METTL24: variants seen among roughly 807,000 people sequenced by gnomAD.
The protein encoded by METTL24 is probable methyltransferase-like protein 24.
A neutral mutation model predicts 32.7 loss-of-function variants in METTL24; 29 were observed. The ratio of observed to expected loss-of-function variants is 0.89; its 90% CI spans 0.66 to 1.21. The LOEUF (loss-of-function observed/expected upper bound fraction) is 1.21, where lower values mean the gene tolerates loss of function less well. Among genes scored for constraint, METTL24 ranks in the 50% most tolerant of loss-of-function variants. The pLI is 0.00. For missense variants in METTL24, 439 were observed against 468.1 expected, an observed-to-expected ratio of 0.94 and a Z score of 0.57; for synonymous variants, 163 against 179.5, an observed-to-expected ratio of 0.91 and a Z score of 0.73.
rs561768970 is a variant in METTL24, at chr6:110,246,487, T to C, written c.787-227A>G. On this transcript the variant is annotated intron_variant, in intron 4 of 4. Transcript: ENST00000338882. ...TTTAAGAGATGGGGGTCTCGATATG[T>C]TGCCTAGGCTGGTATAAAACTCCTG... 3.9e-5 allele frequency among the ~76,000 whole-genome samples: 6 copies of C among 152,348 alleles called. No homozygotes were observed. In the East Asian group the frequency reaches 1.2e-3, roughly 29 times the overall value.
intron 3 of METTL24, among the ~76,000 whole-genome samples, chr6:110,302,558 T>TATATACAC (rs1334340616): frequency 2.8e-5 from 3 of 108,922 alleles, no homozygotes; most frequent in Admixed American, 8.4e-5. Flanking sequence ...CATATGTGTA[T>TATATACAC]ATATACACAC....
At chr6:110,318,340 T>C (rs1039001312) in intron 2 of METTL24, among the ~76,000 whole-genome samples, 1 of 152,174 alleles carries the variant, frequency 6.6e-6, no homozygotes, top group Non-Finnish European at 1.5e-5. Flanking sequence ...CCCTCTTCCT[T>C]TCTTAGCTCA....
intron 4 of METTL24, among the ~76,000 whole-genome samples, chr6:110,280,816 C>T (rs560430880): frequency 6.6e-6 from 1 of 152,066 alleles, no homozygotes. Context: ...CACACCCAAC[C>T]AATGTTTCAA....
intron 3 of METTL24, among the ~76,000 whole-genome samples, chr6:110,299,413 T>G (rs930923540): frequency 6.8e-6 from 1 of 147,860 alleles, no homozygotes; most frequent in African/African-American, 2.5e-5. Context: ...CATCAAATTG[T>G]TTTTTTTTTA....
intron 3 of METTL24, among the ~76,000 whole-genome samples, chr6:110,307,741 A>C (rs1307610132): frequency 6.6e-6 from 1 of 152,200 alleles, no homozygotes; most frequent in East Asian, 1.9e-4. Flanking sequence ...AGGGAGAATA[A>C]ATATTGAGGG....
At chr6:110,274,784 T>G (rs939002884) in intron 4 of METTL24, among the ~76,000 whole-genome samples, 3 of 150,880 alleles carry the variant, frequency 2.0e-5, no homozygotes, top group Admixed American at 1.3e-4. Context: ...TTTTTTTTTT[T>G]TTTCCTTTTC....
At chr6:110,276,439 A>G (rs1771048800) in intron 4 of METTL24, among the ~76,000 whole-genome samples, 1 of 152,316 alleles carries the variant, frequency 6.6e-6, no homozygotes, top group East Asian at 1.9e-4. Flanking sequence ...TGAAAGAGTG[A>G]GGCTGTGTCT....
intron 2 of METTL24, among the ~76,000 whole-genome samples, chr6:110,321,505 C>T (rs1055983557): frequency 3.9e-5 from 6 of 152,148 alleles, no homozygotes; most frequent in African/African-American, 7.2e-5. Flanking sequence ...TCTTCTGGAG[C>T]CTTTAAGGGC....
At chr6:110,278,158 A>G (rs751224277) in intron 4 of METTL24, among the ~76,000 whole-genome samples, 1 of 152,160 alleles carries the variant, frequency 6.6e-6, no homozygotes, top group Non-Finnish European at 1.5e-5. Flanking sequence ...CAAGGTAATT[A>G]TTTCACAGGC....
chr6:110,304,825 T>G (rs950854794), intron 3 of METTL24, among the ~76,000 whole-genome samples: 2 of 152,148 alleles, frequency 1.3e-5, no homozygotes, highest in African/African-American at 4.8e-5. Flanking sequence ...AGATACTCTT[T>G]GAGAAGAGCA....
intron 4 of METTL24, among the ~76,000 whole-genome samples, chr6:110,257,711 G>A (rs1390538150): frequency 6.6e-6 from 1 of 152,246 alleles, no homozygotes; most frequent in Non-Finnish European, 1.5e-5. Context: ...AGCCTTGGCT[G>A]ATAACACCAG....
intron 1 of METTL24, among the ~76,000 whole-genome samples, chr6:110,346,475 T>C (rs1173987927): frequency 6.6e-6 from 1 of 151,336 alleles, no homozygotes; most frequent in African/African-American, 2.4e-5. Context: ...AAGCAGTTCC[T>C]TTGTCCCTAT....
intron 1 of METTL24, among the ~76,000 whole-genome samples, chr6:110,353,271 C>A (rs941477265): frequency 7.2e-5 from 11 of 152,152 alleles, no homozygotes; most frequent in Admixed American, 2.6e-4. Flanking sequence ...TAATGTTGCT[C>A]CCTGAAGAAC....
chr6:110,274,084 G>A (rs1228085774), intron 4 of METTL24, among the ~76,000 whole-genome samples: 1 of 152,172 alleles, frequency 6.6e-6, no homozygotes, highest in Non-Finnish European at 1.5e-5. Context: ...CAACCTGGAT[G>A]GAGTTGGAGC....
At chr6:110,250,072 C>G (rs537576637) in intron 4 of METTL24, among the ~76,000 whole-genome samples, 2 of 152,104 alleles carry the variant, frequency 1.3e-5, no homozygotes, top group Admixed American at 1.3e-4. Flanking sequence ...TGATCATCCA[C>G]CCAGAACTGC....
At chr6:110,265,903 TTTC>T (rs922909983) in intron 4 of METTL24, among the ~76,000 whole-genome samples, 3 of 114,902 alleles carry the variant, frequency 2.6e-5, no homozygotes, top group African/African-American at 3.8e-5. Flanking sequence ...CCTCCTCCTC[TTTC>T]TTCTTCTTCT....
intron 4 of METTL24, among the ~76,000 whole-genome samples, chr6:110,257,893 G>A (rs1234581492): frequency 6.6e-6 from 1 of 152,186 alleles, no homozygotes; most frequent in Non-Finnish European, 1.5e-5. Context: ...CACATGCCAA[G>A]GTTTCAGCGA....
intron 1 of METTL24, among the ~76,000 whole-genome samples, chr6:110,330,694 C>T (rs1428928147): frequency 6.6e-6 from 1 of 152,170 alleles, no homozygotes; most frequent in Non-Finnish European, 1.5e-5. Context: ...AGAGGTGAAA[C>T]CCCTACCAAG....
At chr6:110,309,858 G>A (rs1771687139) in intron 3 of METTL24, among the ~76,000 whole-genome samples, 1 of 138,370 alleles carries the variant, frequency 7.2e-6, no homozygotes. Flanking sequence ...TGTATTCTTA[G>A]GAGCAAAAAA....
Sources: allele counts gnomAD v4.1 joint callset (sites outside exome capture counted in the v4.1 genomes callset), GRCh38; gene constraint gnomAD v4.1.1; transcripts MANE v1.5; gene names NCBI Gene and HGNC (gene_info 2026-07-23, HGNC 2026-07-21).